Variants in SLC9A3 observed in about 807,000 individuals in gnomAD.
The protein encoded by SLC9A3 is solute carrier family 9 member A3, also known as sodium/hydrogen exchanger 3.
SLC9A3 carries 37 observed loss-of-function variants against 86.8 expected under a neutral mutation model. That is an observed-to-expected ratio of 0.43 (90% confidence interval 0.33 to 0.56). SLC9A3 has a LOEUF of 0.56. SLC9A3 is among the 20% of genes least tolerant of loss of function. SLC9A3 has a pLI of 0.06. For synonymous variants in SLC9A3, 581 were observed against 528.3 expected, an observed-to-expected ratio of 1.10 and a Z score of -1.37; for missense variants, 1,011 against 1,171.9, an observed-to-expected ratio of 0.86 and a Z score of 2.00.
Position 475,032 on chromosome 5 carries a change from C to T in SLC9A3, c.2352G>A (p.Ser784=). ...AGGGAATCTGCGTGCGGGCCCTCTG[C>T]GAGGGGACCACCGTCTCCCCGGGAG... ...WLSPGETVVP[S]QRARTQIPYS... The change falls in exon 16 of 17, where the codon TCG becomes TCA. Residue 784 remains serine (S), a synonymous_variant. Transcript: ENST00000264938. 1 of 1,612,266 alleles carries T rather than the reference C, an allele frequency of 6.2e-7. No individual in the cohort carries two copies.
chr5:472,771 T>C lies in SLC9A3; in HGVS notation c.*608A>G. 3.4e-6 allele frequency: 2 copies of C among 584,240 alleles called. No individual in the cohort carries two copies. The highest frequency in any genetic ancestry group is 3.0e-5 in the South Asian group (2 of 65,582). The allele number at this position is 584,240 out of a possible 1,614,324, so 36.2% of individuals were successfully genotyped here. On this transcript the variant is annotated 3_prime_UTR_variant, in exon 17 of 17. Transcript: ENST00000264938. Reference sequence around the variant, plus strand: ...CCTGCAGCCGCTGCAGGTCGGGCCCTGAGTCCTGGCGCTCGGGAGGTCCCT... The same window carrying C: ...CCTGCAGCCGCTGCAGGTCGGGCCCCGAGTCCTGGCGCTCGGGAGGTCCCT...
At chr5:515,713 A>G (rs1733708361) in intron 1 of SLC9A3, among the ~76,000 whole-genome samples, 1 of 146,112 alleles carries the variant, frequency 6.8e-6, no homozygotes, top group African/African-American at 2.6e-5. Context: ...AAACCCATGC[A>G]CAACCCCTGC....
At chr5:482,252 C>G in intron 7 of SLC9A3, 95 bp from the exon 8 acceptor site, 1 of 929,954 alleles carries the variant, frequency 1.1e-6, no homozygotes, top group Non-Finnish European at 1.7e-6. Flanking sequence ...TGCCCCGGGG[C>G]CCACAGGCGC....
intron 1 of SLC9A3, among the ~76,000 whole-genome samples, chr5:506,976 C>G (rs1307573990): frequency 6.7e-6 from 1 of 148,896 alleles, no homozygotes; most frequent in Non-Finnish European, 1.5e-5. Flanking sequence ...GAGGCTGAGG[C>G]AGGAGAATCG....
chr5:476,787 C>T, intron 11 of SLC9A3, 115 bp from the exon 12 acceptor site: 5 of 1,327,632 alleles, frequency 3.8e-6, no homozygotes, highest in Non-Finnish European at 5.2e-6. Context: ...GTGCCCCTCG[C>T]CTTCCCATGG....
intron 1 of SLC9A3, among the ~76,000 whole-genome samples, chr5:504,972 G>A (rs2126643610): frequency 6.6e-6 from 1 of 152,008 alleles, no homozygotes; most frequent in Admixed American, 6.5e-5. Flanking sequence ...ACAGAGCCCA[G>A]TGCTGAGAAG....
At chr5:483,924 C>T (rs898336356) in intron 5 of SLC9A3, among the ~76,000 whole-genome samples, 7 of 152,280 alleles carry the variant, frequency 4.6e-5, no homozygotes, top group Admixed American at 2.0e-4. Flanking sequence ...CTGAAGGTCC[C>T]GCGCTAGGAC....
intron 3 of SLC9A3, among the ~76,000 whole-genome samples, chr5:486,408 C>T (rs1055353646): frequency 2.0e-5 from 3 of 152,230 alleles, no homozygotes; most frequent in African/African-American, 4.8e-5. Flanking sequence ...GGCTTTGAAA[C>T]GTCACGATTG....
chr5:492,048 T>C lies in SLC9A3; in HGVS notation c.235A>G (p.Thr79Ala). 1 of 1,507,508 alleles carries C rather than the reference T, an allele frequency of 6.6e-7. No individual in the cohort carries two copies. The highest frequency in any genetic ancestry group is 8.9e-7 in the Non-Finnish European group (1 of 1,123,824). The allele number at this position is 1,507,508 out of a possible 1,614,324, so 93.4% of individuals were successfully genotyped here. ...AGGGCGCTCTCGGGAACCACGCTGG[T>C]GACCTTGTGGGACAGGTGGAACCCT... Reference protein sequence around the residue: ...KIGFHLSHKVTSVVPESALLI... With the variant: ...KIGFHLSHKVASVVPESALLI... The change falls in exon 2 of 17, where the codon ACC becomes GCC. Residue 79 changes from threonine (T) to alanine (A), a missense_variant. Coordinates refer to ENST00000264938, the MANE Select transcript of SLC9A3 (RefSeq NM_004174.4).
chr5:491,741 G>T lies in SLC9A3; in HGVS notation c.514+28C>A, dbSNP rs376596500. Reference sequence around the variant, plus strand: ...CCCTCCCGGACCCCACCCTGATCCCGGCCGGGGCAACAGTGGCGCAGACTC... The same window carrying T: ...CCCTCCCGGACCCCACCCTGATCCCTGCCGGGGCAACAGTGGCGCAGACTC... On this transcript the variant is annotated intron_variant, in intron 2 of 16. Transcript: ENST00000264938. The surrounding 1 kb of genome is among the most constrained non-coding windows in gnomAD (Gnocchi z 9.2). 2.7e-6 allele frequency: 4 copies of T among 1,487,484 alleles called. No homozygotes were observed. The highest frequency in any genetic ancestry group is 3.6e-6 in the Non-Finnish European group (4 of 1,107,956). The allele number at this position is 1,487,484 out of a possible 1,614,324, so 92.1% of individuals were successfully genotyped here. A position where few individuals can be genotyped will look rare whatever the true frequency, so the allele number is the denominator to read the frequency against.
chr5:486,897 G>A (rs1394452244), intron 3 of SLC9A3, among the ~76,000 whole-genome samples: 4 of 100,790 alleles, frequency 4.0e-5, no homozygotes, highest in South Asian at 3.4e-4. Flanking sequence ...CACTGACACC[G>A]TGATCCAGAC....
intron 1 of SLC9A3, among the ~76,000 whole-genome samples, chr5:498,071 A>G (rs952483299): frequency 6.6e-6 from 1 of 152,086 alleles, no homozygotes; most frequent in Non-Finnish European, 1.5e-5. Flanking sequence ...GCTCTATCTT[A>G]TCTTTTTTCT....
chr5:479,635 G>T, intron 10 of SLC9A3: 2 of 575,948 alleles, frequency 3.5e-6, no homozygotes, highest in Non-Finnish European at 6.2e-6. Flanking sequence ...CAGTCACCAG[G>T]ACTCTGTGAC....
At chr5:475,159 G>C (rs1478327815) in intron 15 of SLC9A3, 27 bp from the exon 16 acceptor site, 1 of 1,543,904 alleles carries the variant, frequency 6.5e-7, no homozygotes, top group Non-Finnish European at 8.7e-7. Context: ...CGGCTAGTCA[G>C]CCTTCGGAGA....
At chr5:514,575 G>A (rs1733669958) in intron 1 of SLC9A3, among the ~76,000 whole-genome samples, 1 of 152,216 alleles carries the variant, frequency 6.6e-6, no homozygotes, top group African/African-American at 2.4e-5. Context: ...CCCGCTGAGG[G>A]CCCCATGAGG....
chr5:484,992 C>T (rs1222908615), intron 4 of SLC9A3, among the ~76,000 whole-genome samples, 161 bp downstream of exon 4: 2 of 152,246 alleles, frequency 1.3e-5, no homozygotes, highest in Admixed American at 6.5e-5. Context: ...CATGTCAAAT[C>T]GTGTGTGAAT....
At chr5:492,932 A>C (rs1352735965) in intron 1 of SLC9A3, among the ~76,000 whole-genome samples, 3 of 151,712 alleles carry the variant, frequency 2.0e-5, no homozygotes, top group African/African-American at 4.8e-5. Context: ...GGGTCCCGCC[A>C]CTCCACTCCG....
At chr5:489,330 G>C (rs912036732) in intron 2 of SLC9A3, among the ~76,000 whole-genome samples, 2 of 152,194 alleles carry the variant, frequency 1.3e-5, no homozygotes, top group African/African-American at 2.4e-5. Flanking sequence ...CAGGGAGGGG[G>C]AGGCCCCCGA....
At chr5:501,142 GA>G (rs1359639930) in intron 1 of SLC9A3, among the ~76,000 whole-genome samples, 1 of 152,208 alleles carries the variant, frequency 6.6e-6, no homozygotes, top group African/African-American at 2.4e-5. Context: ...CCTGGAGGAG[GA>G]AGGGCCGGCG....
Sources: allele counts gnomAD v4.1 joint callset (sites outside exome capture counted in the v4.1 genomes callset), GRCh38; gene constraint gnomAD v4.1.1; non-coding constraint Gnocchi (gnomAD v3.1); transcripts MANE v1.5; gene names NCBI Gene and HGNC (gene_info 2026-07-23, HGNC 2026-07-21).